Variants in NDST4 observed in about 807,000 individuals in gnomAD.
NDST4 encodes N-deacetylase and N-sulfotransferase 4.
Under a neutral mutation model 100.8 loss-of-function variants are expected in NDST4, and 63 were observed. The observed-to-expected ratio is 0.62, with a 90% confidence interval of 0.51 to 0.77. NDST4 has a LOEUF of 0.77. NDST4 is among the 30% of genes least tolerant of loss of function. The pLI, the probability that NDST4 is intolerant of heterozygous loss-of-function variation, is 0.00. For synonymous variants in NDST4, 377 were observed against 361.8 expected (o/e 1.04, Z -0.48); for missense variants, 943 against 1,018.4 (o/e 0.93, Z 1.01).
intron 2 of NDST4, among the ~76,000 whole-genome samples, chr4:115,055,762 G>T (rs79767798): frequency 0.025 from 3,847 of 152,128 alleles, 172 homozygotes; most frequent in African/African-American, 0.088. Flanking sequence ...TAGATAAAGG[G>T]TAAGCTGGCA....
rs1032738017 is a variant in NDST4, at chr4:114,999,784, G to A, written c.979-22510C>T. Among the ~76,000 whole-genome samples the A allele has an allele frequency of 5.9e-5, 9 of 152,082 alleles. 1 individual carries two copies. Among genetic ancestry groups the A allele is most frequent in the Middle Eastern group, 6.8e-3 (2 of 294 alleles). ...TATCCTAAAATATGGAAGTCAGGAG[G>A]AAAGGAATTATTGTCGTAAAGGCTG... On this transcript the variant is annotated intron_variant, in intron 2 of 13. Transcript: ENST00000264363.
At chr4:115,022,443 G>T (rs935658297) in intron 2 of NDST4, among the ~76,000 whole-genome samples, 1 of 58,180 alleles carries the variant, frequency 1.7e-5, no homozygotes, top group Non-Finnish European at 4.1e-5. Context: ...CCATATATAT[G>T]TGTTCCATAT....
At chr4:114,872,020 G>T (rs995142640) in intron 6 of NDST4, among the ~76,000 whole-genome samples, 6 of 151,944 alleles carry the variant, frequency 3.9e-5, no homozygotes, top group Non-Finnish European at 8.8e-5. Flanking sequence ...GCTAATATTT[G>T]TATGGAAACT....
rs150719546 is a variant in NDST4 at position 115,030,555 on chromosome 4, T to C, written c.978+45504A>G. 8.5e-3 allele frequency among the ~76,000 whole-genome samples: 1,290 copies of C among 152,176 alleles called. 10 individuals carry two copies. Among genetic ancestry groups the C allele is most frequent in the African/African-American group, 0.018 (742 of 41,526 alleles). ...AAAGAAGGGAAGTCTTACAGGCAAG[T>C]CAGACTTTTGGGAAGAAATATAATA... On this transcript the variant is annotated intron_variant, in intron 2 of 13. Transcript: ENST00000264363.
chr4:114,907,734 G>A (rs1578380606), intron 6 of NDST4, among the ~76,000 whole-genome samples: 1 of 151,846 alleles, frequency 6.6e-6, no homozygotes, highest in African/African-American at 2.4e-5. Context: ...GGTGGGGGTG[G>A]TCAAAAAGTT....
chr4:115,011,796 G>A (rs1165834088), intron 2 of NDST4, among the ~76,000 whole-genome samples: 1 of 151,838 alleles, frequency 6.6e-6, no homozygotes, highest in Non-Finnish European at 1.5e-5. Context: ...CCAAATAACA[G>A]GAACAGAAAT....
intron 4 of NDST4, among the ~76,000 whole-genome samples, chr4:114,955,507 A>G (rs557027430): frequency 4.7e-4 from 71 of 152,268 alleles, no homozygotes; most frequent in African/African-American, 1.6e-3. Context: ...TAAGAGGATC[A>G]CTGTAGCTGC....
intron 7 of NDST4, among the ~76,000 whole-genome samples, chr4:114,862,631 A>C (rs1415267905): frequency 6.6e-6 from 1 of 152,116 alleles, no homozygotes; most frequent in African/African-American, 2.4e-5. Context: ...ATTGCAGTGC[A>C]CATGTCTTTG....
chr4:115,046,225 C>G (rs1252305733), intron 2 of NDST4, among the ~76,000 whole-genome samples: 1 of 152,130 alleles, frequency 6.6e-6, no homozygotes, highest in Non-Finnish European at 1.5e-5. Context: ...TGCCCTGCCC[C>G]ATTCTGCCTC....
intron 1 of NDST4, among the ~76,000 whole-genome samples, chr4:115,102,317 C>T (rs1017903628): frequency 2.0e-5 from 3 of 151,966 alleles, no homozygotes; most frequent in African/African-American, 7.2e-5. Context: ...TGAATGAAAC[C>T]AGAATGTAGA....
intron 6 of NDST4, among the ~76,000 whole-genome samples, chr4:114,896,390 G>A (rs557435229): frequency 4.0e-4 from 61 of 152,024 alleles, no homozygotes; most frequent in Non-Finnish European, 4.7e-4. Flanking sequence ...TTGGGAGGCC[G>A]AGGTGGGTGG....
chr4:114,847,467 C>T (rs1171173161), intron 9 of NDST4, among the ~76,000 whole-genome samples: 1 of 132,214 alleles, frequency 7.6e-6, no homozygotes, highest in Non-Finnish European at 1.6e-5. Context: ...CACAAACTTA[C>T]ATGCTGCAGA....
chr4:115,038,034 C>T (rs1417759753), intron 2 of NDST4, among the ~76,000 whole-genome samples: 3 of 152,116 alleles, frequency 2.0e-5, no homozygotes, highest in African/African-American at 4.8e-5. Flanking sequence ...TCAGAATATC[C>T]TCCATGGAGA....
chr4:115,088,743 C>A (rs1237033217), intron 1 of NDST4, among the ~76,000 whole-genome samples: 6 of 151,458 alleles, frequency 4.0e-5, no homozygotes, highest in Non-Finnish European at 8.8e-5. Flanking sequence ...TCTTGTTATT[C>A]CTGCACTTTA....
At chr4:114,936,173 A>C (rs1354556448) in intron 5 of NDST4, among the ~76,000 whole-genome samples, 1 of 152,144 alleles carries the variant, frequency 6.6e-6, no homozygotes, top group Non-Finnish European at 1.5e-5. Context: ...AAGGTAAAGG[A>C]AAGGTAAAGG....
intron 2 of NDST4, among the ~76,000 whole-genome samples, chr4:115,023,666 C>G (rs1464144929): frequency 6.6e-6 from 1 of 151,940 alleles, no homozygotes; most frequent in African/African-American, 2.4e-5. Flanking sequence ...AAATTTGCAG[C>G]CTGGCCATGA....
At chr4:115,070,827 G>A (rs767413638) in intron 2 of NDST4, among the ~76,000 whole-genome samples, 4 of 152,040 alleles carry the variant, frequency 2.6e-5, no homozygotes, top group Non-Finnish European at 4.4e-5. Context: ...TATTCTGGCC[G>A]GGCACGGTGG....
At chr4:115,075,919 AT>A in intron 2 of NDST4, 139 bp downstream of exon 2, 1 of 1,010,434 alleles carries the variant, frequency 9.9e-7, no homozygotes, top group Non-Finnish European at 1.4e-6. Context: ...TCTTGGTTCA[AT>A]ATTTTTCTAA....
chr4:115,077,636 A>G (rs905293675), intron 1 of NDST4, among the ~76,000 whole-genome samples: 1 of 152,218 alleles, frequency 6.6e-6, no homozygotes, highest in African/African-American at 2.4e-5. Flanking sequence ...TACAGAACTG[A>G]TAACCATTAT....
Sources: gnomAD v4.1 joint callset for allele counts (sites outside exome capture counted in the v4.1 genomes callset) on GRCh38, gnomAD v4.1.1 for gene constraint, MANE v1.5 for transcripts, NCBI Gene and HGNC (gene_info 2026-07-23, HGNC 2026-07-21) for gene names.